Variants in PPP4R2 observed in about 807,000 individuals in gnomAD.
The protein encoded by PPP4R2 is protein phosphatase 4 regulatory subunit 2.
A neutral mutation model predicts 47.2 loss-of-function variants in PPP4R2; 13 were observed. The observed-to-expected ratio is 0.28, with a 90% CI of 0.18 to 0.44. The LOEUF (loss-of-function observed/expected upper bound fraction) is 0.44. Among genes scored for constraint, PPP4R2 ranks in the 20% least tolerant of loss-of-function variants. The pLI, the probability that PPP4R2 is intolerant of heterozygous loss-of-function variation, is 1.00. For synonymous variants in PPP4R2, 151 were observed against 163.3 expected (o/e 0.92, Z 0.57); for missense variants, 421 against 491.2 (o/e 0.86, Z 1.35).
At chr3:73,039,986 G>A (rs529180420) in intron 2 of PPP4R2, among the ~76,000 whole-genome samples, 64 of 152,230 alleles carry the variant, frequency 4.2e-4, no homozygotes, top group Admixed American at 6.5e-4. Context: ...CCAGGGAGGC[G>A]GAGGTTGTAG....
Position 73,064,847 on chromosome 3 carries a change from T to G in PPP4R2, c.639-5T>G, listed in dbSNP as rs770093044. 1 of 1,582,840 alleles carries G rather than the reference T, an allele frequency of 6.3e-7. No homozygotes were observed. The highest frequency in any genetic ancestry group is 2.2e-5 in the East Asian group (1 of 44,684). ...ATTAATGACACTTTAAAAAAACATT[T>G]ACAGTGACTCTTCGACCTCTGAATC... On this transcript the variant is annotated splice_polypyrimidine_tract_variant and splice_region_variant and intron_variant, in intron 7 of 8. Coordinates refer to ENST00000356692, the MANE Select transcript of PPP4R2 (RefSeq NM_174907.4).
intron 2 of PPP4R2, among the ~76,000 whole-genome samples, chr3:73,018,433 G>GTTATA (rs1670280768): frequency 9.7e-6 from 1 of 102,740 alleles, no homozygotes; most frequent in South Asian, 3.7e-4. Context: ...GTTATGTTAT[G>GTTATA]TTATGTTATG....
At chr3:73,049,236 C>T (rs1014241658) in intron 3 of PPP4R2, among the ~76,000 whole-genome samples, 1 of 151,424 alleles carries the variant, frequency 6.6e-6, no homozygotes, top group South Asian at 2.1e-4. Context: ...TGGTGGCTCA[C>T]GCCTGTAATC....
At chr3:73,058,289 A>G (rs1702769414) in intron 3 of PPP4R2, among the ~76,000 whole-genome samples, 1 of 152,090 alleles carries the variant, frequency 6.6e-6, no homozygotes, top group South Asian at 2.1e-4. Flanking sequence ...CATTTAAAAT[A>G]TTTGTAGTTT....
At chr3:73,019,410 G>C (rs1701914505) in intron 2 of PPP4R2, among the ~76,000 whole-genome samples, 1 of 152,194 alleles carries the variant, frequency 6.6e-6, no homozygotes, top group African/African-American at 2.4e-5. Context: ...GTCTTACTCT[G>C]TTGCCCAGGC....
chr3:72,997,229 CCTGTGGGCAGCTCT>C, intron 1 of PPP4R2, 158 bp downstream of exon 1: 1 of 485,254 alleles, frequency 2.1e-6, no homozygotes. Context: ...GGCGGGGAGC[CCTGTGGGCAGCTCT>C]CTCCCGCCCC....
intron 2 of PPP4R2, among the ~76,000 whole-genome samples, chr3:73,040,148 G>C (rs569759566): frequency 5.3e-5 from 8 of 152,318 alleles, no homozygotes; most frequent in African/African-American, 1.7e-4. Flanking sequence ...CAAGTGTCTT[G>C]TGGTCAAAAT....
At chr3:73,010,203 C>T (rs926350696) in intron 2 of PPP4R2, among the ~76,000 whole-genome samples, 1 of 151,854 alleles carries the variant, frequency 6.6e-6, no homozygotes, top group African/African-American at 2.4e-5. Flanking sequence ...AACCACTTAA[C>T]GCAAAAAAAT....
At chr3:72,998,050 A>T (rs1418122325) in intron 1 of PPP4R2, 27 bp from the exon 2 acceptor site, 3 of 1,528,848 alleles carry the variant, frequency 2.0e-6, no homozygotes, top group Non-Finnish European at 2.7e-6. Flanking sequence ...GAAAACTGAT[A>T]ACGTTTTTTT....
intron 2 of PPP4R2, among the ~76,000 whole-genome samples, chr3:73,035,871 C>G (rs1245568381): frequency 2.0e-5 from 3 of 152,292 alleles, no homozygotes; most frequent in Non-Finnish European, 4.4e-5. Context: ...CCACCTCTGC[C>G]TCCCAAAGTG....
chr3:73,005,461 TGGGGA>T (rs1235078362), intron 2 of PPP4R2, among the ~76,000 whole-genome samples: 3 of 152,008 alleles, frequency 2.0e-5, no homozygotes, highest in East Asian at 1.9e-4. Flanking sequence ...GTTTTTTTGT[TGGGGA>T]GGGGAGGGAG....
intron 2 of PPP4R2, among the ~76,000 whole-genome samples, chr3:73,030,891 G>A (rs906188084): frequency 6.6e-6 from 1 of 151,730 alleles, no homozygotes; most frequent in African/African-American, 2.4e-5. Context: ...TAGTAGAGAC[G>A]GGGTTTCACC....
Position 72,996,876 on chromosome 3 carries a change from C to T in PPP4R2, c.-162C>T, listed in dbSNP as rs1392025971. Reference sequence around the variant, plus strand: ...GTGCTCGCTCTGTCGGTCTTGCTCTCTCGCACGCTTCCCCCGGCTCCCTTC... The same window carrying T: ...GTGCTCGCTCTGTCGGTCTTGCTCTTTCGCACGCTTCCCCCGGCTCCCTTC... On this transcript the variant is annotated 5_prime_UTR_variant, in exon 1 of 9. Transcript: ENST00000356692. 2.5e-5 allele frequency: 11 copies of T among 434,426 alleles called. No individual in the cohort carries two copies. The highest frequency in any genetic ancestry group is 2.5e-4 in the East Asian group (7 of 28,010). 26.9% of individuals were successfully genotyped at this position (434,426 alleles called of 1,614,324 possible). A position where few individuals can be genotyped will look rare whatever the true frequency, so the allele number is the denominator to read the frequency against.
At chr3:73,038,250 C>G (rs1702303906) in intron 2 of PPP4R2, among the ~76,000 whole-genome samples, 1 of 152,188 alleles carries the variant, frequency 6.6e-6, no homozygotes, top group African/African-American at 2.4e-5. Context: ...CTCAACATCT[C>G]TTTGTTGGCT....
At chr3:73,004,270 G>A (rs2107206180) in intron 2 of PPP4R2, among the ~76,000 whole-genome samples, 1 of 151,024 alleles carries the variant, frequency 6.6e-6, no homozygotes, top group African/African-American at 2.4e-5. Flanking sequence ...CAAACTCCTG[G>A]GCTCAGGCTA....
intron 2 of PPP4R2, among the ~76,000 whole-genome samples, chr3:73,012,201 C>T (rs1575844243): frequency 6.6e-6 from 1 of 152,144 alleles, no homozygotes; most frequent in Non-Finnish European, 1.5e-5. Flanking sequence ...ATACGTAATA[C>T]AATATAAATG....
At chr3:73,053,251 C>T (rs747813261) in intron 3 of PPP4R2, among the ~76,000 whole-genome samples, 26 of 150,696 alleles carry the variant, frequency 1.7e-4, no homozygotes, top group Admixed American at 4.6e-4. Context: ...CCCACACCCA[C>T]CCACCCCTAC....
At chr3:73,029,826 TAAAAG>T (rs1350042490) in intron 2 of PPP4R2, among the ~76,000 whole-genome samples, 8 of 152,124 alleles carry the variant, frequency 5.3e-5, no homozygotes, top group Non-Finnish European at 8.8e-5. Flanking sequence ...ACAAGAAAGA[TAAAAG>T]GAAACCCAGG....
intron 5 of PPP4R2, chr3:73,062,197 A>G: frequency 6.3e-7 from 1 of 1,575,422 alleles, no homozygotes; most frequent in Non-Finnish European, 8.6e-7. Context: ...AAAATTAAAG[A>G]ATTAAGTCGG....
Sources: gnomAD v4.1 joint callset for allele counts (sites outside exome capture counted in the v4.1 genomes callset) on GRCh38, gnomAD v4.1.1 for gene constraint, MANE v1.5 for transcripts, NCBI Gene and HGNC (gene_info 2026-07-23, HGNC 2026-07-21) for gene names.